The following KAZN variants were observed in gnomAD, a reference collection of about 807,000 sequenced individuals.
KAZN encodes the protein kazrin.
Under a neutral mutation model 87.4 loss-of-function variants are expected in KAZN, and 40 were observed. That is an observed-to-expected ratio of 0.46 (90% CI 0.36 to 0.60). The LOEUF is 0.60. Among genes scored for constraint, KAZN ranks in the 20% least tolerant of loss-of-function variants. The pLI, the probability that KAZN is intolerant of heterozygous loss-of-function variation, is 0.00. For missense variants in KAZN, 898 were observed against 1,073.9 expected (o/e 0.84, Z 2.29); for synonymous variants, 466 against 458.3 (o/e 1.02, Z -0.22).
chr1:14,554,961 C>A (rs1011513756), intron 2 of KAZN, among the ~76,000 whole-genome samples: 1 of 152,192 alleles, frequency 6.6e-6, no homozygotes, highest in Non-Finnish European at 1.5e-5. Flanking sequence ...CATTCCTGTT[C>A]CCGTAAGAGT....
At chr1:15,057,107 G>A (rs1364496555) in intron 5 of KAZN, among the ~76,000 whole-genome samples, 3 of 152,234 alleles carry the variant, frequency 2.0e-5, no homozygotes, top group African/African-American at 4.8e-5. Context: ...GGCTGATCAG[G>A]GAGATGCCAG....
intron 1 of KAZN, among the ~76,000 whole-genome samples, chr1:14,925,318 T>C (rs974501506): frequency 3.3e-5 from 5 of 152,174 alleles, no homozygotes; most frequent in Non-Finnish European, 7.3e-5. Context: ...GGAAGAAACC[T>C]TAGAAGACGA....
At chr1:14,794,612 C>T (rs572273846) in intron 1 of KAZN, among the ~76,000 whole-genome samples, 11 of 152,322 alleles carry the variant, frequency 7.2e-5, no homozygotes, top group Middle Eastern at 3.4e-3. Flanking sequence ...CTTGATGTCC[C>T]TGATGGCAGA....
chr1:14,600,266 C>G lies in KAZN; in HGVS notation c.226+1043C>G, dbSNP rs576278386. The stretch of plus-strand genomic sequence containing the variant: ...ATATGTCACTTGAAGTGCAAGGTAC[C>G]AATTGCTCAGTGGCTCAAAATGATT... On this transcript the variant is annotated intron_variant, in intron 1 of 14. Coordinates refer to ENST00000376030, the MANE Select transcript of KAZN (RefSeq NM_201628.3). Among the ~76,000 whole-genome samples, 5 of 152,218 alleles carry G rather than the reference C, an allele frequency of 3.3e-5. No individual in the cohort carries two copies. The South Asian group carries it at 8.3e-4, about 25-fold the overall frequency.
At chr1:14,731,439 C>T (rs1222037690) in intron 1 of KAZN, among the ~76,000 whole-genome samples, 1 of 152,212 alleles carries the variant, frequency 6.6e-6, no homozygotes, top group African/African-American at 2.4e-5. Flanking sequence ...TTCTAGAAGC[C>T]TTGCTCCAGG....
chr1:14,886,658 G>T (rs1412299538), intron 1 of KAZN, among the ~76,000 whole-genome samples: 1 of 152,038 alleles, frequency 6.6e-6, no homozygotes, highest in Non-Finnish European at 1.5e-5. Context: ...AGGAGTGGTG[G>T]CGCATGCATG....
intron 2 of KAZN, among the ~76,000 whole-genome samples, chr1:14,565,568 C>T (rs781156273): frequency 2.0e-5 from 3 of 152,150 alleles, no homozygotes; most frequent in Non-Finnish European, 4.4e-5. Context: ...CCCTTCCTTT[C>T]GTTAAAGATT....
At chr1:14,038,277 A>T (rs540455432) in intron 1 of KAZN, among the ~76,000 whole-genome samples, 2 of 152,258 alleles carry the variant, frequency 1.3e-5, no homozygotes, top group South Asian at 4.1e-4. Context: ...TGCAGTTGTG[A>T]TTTTAAGTAG....
chr1:14,138,643 G>C (rs540220628), intron 1 of KAZN, among the ~76,000 whole-genome samples: 1 of 152,164 alleles, frequency 6.6e-6, no homozygotes, highest in African/African-American at 2.4e-5. Flanking sequence ...GAAGATATCA[G>C]GTAGGCAATG....
At position 14,388,288 on chromosome 1, in the gene KAZN, G is replaced by A. The variant is rs186874144; in HGVS notation, c.249+207696G>A. ...ATCACCTGTCTTCTGCATTGCTCAC[G>A]CTGGGAGCTGTAGACCGGAGCTGTT... is the stretch of plus-strand genomic sequence containing the variant. On this transcript the variant is annotated intron_variant, in intron 2 of 16. Coordinates refer to the KAZN transcript ENST00000636203. Among the ~76,000 whole-genome samples the A allele has an allele frequency of 3.6e-3, 544 of 152,268 alleles. 5 individuals are homozygous for A. Among genetic ancestry groups the A allele is most frequent in the African/African-American group, 0.013 (521 of 41,562 alleles).
intron 1 of KAZN, among the ~76,000 whole-genome samples, chr1:14,648,821 C>G (rs538117816): frequency 6.6e-6 from 1 of 152,286 alleles, no homozygotes; most frequent in African/African-American, 2.4e-5. Context: ...TGGGAACCAG[C>G]CCCTCCCCTG....
intron 1 of KAZN, among the ~76,000 whole-genome samples, chr1:14,860,314 C>A (rs1293990691): frequency 6.6e-6 from 1 of 152,110 alleles, no homozygotes; most frequent in African/African-American, 2.4e-5. Flanking sequence ...ACCTCACCCT[C>A]CTGAGTAGCT....
At chr1:14,689,899 G>A (rs1031151297) in intron 1 of KAZN, among the ~76,000 whole-genome samples, 1 of 152,174 alleles carries the variant, frequency 6.6e-6, no homozygotes, top group Non-Finnish European at 1.5e-5. Context: ...CTGAGCAAAA[G>A]AACATCATTT....
At chr1:14,519,461 G>A (rs1177227090) in intron 2 of KAZN, among the ~76,000 whole-genome samples, 4 of 152,140 alleles carry the variant, frequency 2.6e-5, no homozygotes, top group East Asian at 3.9e-4. Flanking sequence ...GGTGCTGAGC[G>A]GCAGATACTA....
At chr1:14,316,934 T>C (rs1043807106) in intron 2 of KAZN, among the ~76,000 whole-genome samples, 2 of 151,958 alleles carry the variant, frequency 1.3e-5, no homozygotes, top group Non-Finnish European at 2.9e-5. Flanking sequence ...ATTGAAAGCC[T>C]TGTTTGGGGG....
chr1:14,375,896 A>AC (rs70997142), intron 2 of KAZN, among the ~76,000 whole-genome samples: 140,085 of 151,828 alleles, frequency 0.92, 64,804 homozygotes, highest in Middle Eastern at 0.97. Flanking sequence ...TCAAAAACAA[A>AC]AAAAAAAAAA....
chr1:14,462,482 A>G (rs1475085764), intron 2 of KAZN, among the ~76,000 whole-genome samples: 3 of 152,214 alleles, frequency 2.0e-5, no homozygotes, highest in Non-Finnish European at 4.4e-5. Context: ...ATATTGTTCT[A>G]GGATTTCATA....
At chr1:14,456,112 G>A (rs538782220) in intron 2 of KAZN, among the ~76,000 whole-genome samples, 10 of 152,278 alleles carry the variant, frequency 6.6e-5, no homozygotes, top group African/African-American at 1.4e-4. Flanking sequence ...ATGAGCATGC[G>A]TTTATATAAA....
intron 1 of KAZN, among the ~76,000 whole-genome samples, chr1:14,884,258 G>T (rs1014496526): frequency 6.6e-6 from 1 of 152,116 alleles, no homozygotes; most frequent in African/African-American, 2.4e-5. Flanking sequence ...TGGGTGTGGT[G>T]GCGGGCACCT....
Sources: allele counts gnomAD v4.1 joint callset (sites outside exome capture counted in the v4.1 genomes callset), GRCh38; gene constraint gnomAD v4.1.1; transcripts MANE v1.5; gene names NCBI Gene and HGNC (gene_info 2026-07-23, HGNC 2026-07-21).